The following ARHGAP26 variants were observed in gnomAD, a reference collection of about 807,000 sequenced individuals.
ARHGAP26 encodes Rho GTPase activating protein 26, also known as rho GTPase-activating protein 26.
ARHGAP26 carries 38 observed loss-of-function variants against 104.8 expected under a neutral mutation model. The ratio of observed to expected loss-of-function variants is 0.36; its 90% CI spans 0.28 to 0.48. The LOEUF (loss-of-function observed/expected upper bound fraction) is 0.48. Among genes scored for constraint, ARHGAP26 ranks in the 20% least tolerant of loss-of-function variants. The probability of loss-of-function intolerance (pLI) is 0.99; values close to 1 mark genes in which losing one functional copy is unlikely to be tolerated. For missense variants in ARHGAP26, 704 were observed against 947.9 expected (o/e 0.74, Z 3.38); for synonymous variants, 341 against 340.0 (o/e 1.00, Z -0.03).
intron 1 of ARHGAP26, among the ~76,000 whole-genome samples, chr5:142,808,357 G>A (rs969856950): frequency 6.6e-6 from 1 of 150,836 alleles, no homozygotes; most frequent in African/African-American, 2.4e-5. Context: ...AGTTTGAGGT[G>A]GGGAAATCCC....
At chr5:142,964,164 A>G (rs1770867891) in intron 11 of ARHGAP26, among the ~76,000 whole-genome samples, 1 of 152,226 alleles carries the variant, frequency 6.6e-6, no homozygotes, top group Non-Finnish European at 1.5e-5. Context: ...ATATTAAAAT[A>G]TAGCCTTTTA....
chr5:142,922,355 G>T (rs1168254674), intron 10 of ARHGAP26, among the ~76,000 whole-genome samples: 1 of 151,990 alleles, frequency 6.6e-6, no homozygotes, highest in Non-Finnish European at 1.5e-5. Context: ...GTATGTATTA[G>T]TAACTATTAG....
chr5:142,890,148 AAAAATATATATATATATATATATATATAT>A (rs1349365301), intron 5 of ARHGAP26, among the ~76,000 whole-genome samples: 1 of 83,274 alleles, frequency 1.2e-5, no homozygotes, highest in South Asian at 4.2e-4. Flanking sequence ...AAAAAAAAAA[AAAAATATATATATATATATATATATATAT>A]ATATATATAT....
intron 11 of ARHGAP26, among the ~76,000 whole-genome samples, chr5:142,961,031 A>G (rs1397061905): frequency 1.3e-5 from 2 of 151,948 alleles, no homozygotes; most frequent in East Asian, 3.9e-4. Context: ...CTATCAAATC[A>G]CCTGCTTATC....
chr5:143,123,428 G>T (rs1796365864), intron 18 of ARHGAP26, among the ~76,000 whole-genome samples: 1 of 152,220 alleles, frequency 6.6e-6, no homozygotes, highest in Admixed American at 6.5e-5. Flanking sequence ...CCGTGGCTGT[G>T]CTCTGGCCTC....
At position 143,083,563 on chromosome 5, in the gene ARHGAP26, A is replaced by G. The variant is rs1046780774; in HGVS notation, c.1538+25816A>G. 4.6e-5 allele frequency among the ~76,000 whole-genome samples: 7 copies of G among 152,168 alleles called. No homozygotes were observed. In the East Asian group the frequency reaches 1.3e-3, roughly 29 times the overall value. The stretch of plus-strand genomic sequence containing the variant: ...GCCCAGGCTGAAGTGCAGGGACACA[A>G]TCTTGGCTCAATGCAATCTCCGCCT... On this transcript the variant is annotated intron_variant, in intron 17 of 22. Coordinates refer to ENST00000645722, the MANE Select transcript of ARHGAP26 (RefSeq NM_001135608.3).
At chr5:142,987,004 A>G (rs1168895613) in intron 11 of ARHGAP26, among the ~76,000 whole-genome samples, 1 of 152,140 alleles carries the variant, frequency 6.6e-6, no homozygotes, top group African/African-American at 2.4e-5. Context: ...TTGGTTCCAT[A>G]TGAACTTTAG....
At chr5:143,140,228 C>T (rs953286014) in intron 19 of ARHGAP26, among the ~76,000 whole-genome samples, 1 of 152,168 alleles carries the variant, frequency 6.6e-6, no homozygotes, top group Non-Finnish European at 1.5e-5. Flanking sequence ...TGGGGACAGT[C>T]AGGGTGGCTT....
At chr5:142,865,485 T>G (rs953874271) in intron 1 of ARHGAP26, among the ~76,000 whole-genome samples, 1 of 149,638 alleles carries the variant, frequency 6.7e-6, no homozygotes, top group Non-Finnish European at 1.5e-5. Flanking sequence ...GAAGTTTTTT[T>G]TTTTTTTTTT....
intron 9 of ARHGAP26, among the ~76,000 whole-genome samples, chr5:142,909,665 C>G (rs1410399259): frequency 6.6e-6 from 1 of 152,158 alleles, no homozygotes; most frequent in African/African-American, 2.4e-5. Context: ...AATGTCATAA[C>G]AGAGAAATTA....
chr5:142,951,011 CCCTT>C (rs1286650712), intron 11 of ARHGAP26, among the ~76,000 whole-genome samples: 5 of 6,822 alleles, frequency 7.3e-4, no homozygotes, highest in Non-Finnish European at 1.8e-3. Flanking sequence ...CTTTCCCTTT[CCCTT>C]TCCCTTTCTC....
At chr5:142,888,995 A>G (rs1308446888) in intron 5 of ARHGAP26, among the ~76,000 whole-genome samples, 1 of 152,226 alleles carries the variant, frequency 6.6e-6, no homozygotes, top group Non-Finnish European at 1.5e-5. Flanking sequence ...ATCCTGGCTT[A>G]TAATTCCATT....
intron 10 of ARHGAP26, 106 bp from the exon 11 acceptor site, chr5:142,931,941 A>C (rs1598292922): frequency 1.9e-6 from 2 of 1,056,642 alleles, no homozygotes; most frequent in East Asian, 2.4e-5. Flanking sequence ...TGTGTTGTTA[A>C]CCTTAGCAGC....
chr5:142,791,125 C>G (rs1047567826), intron 1 of ARHGAP26, among the ~76,000 whole-genome samples: 1 of 149,112 alleles, frequency 6.7e-6, no homozygotes, highest in African/African-American at 2.5e-5. Context: ...TGTTGCCAGG[C>G]TGGAGTGTAG....
chr5:142,998,922 G>T (rs1234782314), intron 11 of ARHGAP26, among the ~76,000 whole-genome samples: 1 of 152,052 alleles, frequency 6.6e-6, no homozygotes, highest in African/African-American at 2.4e-5. Context: ...CTTATTCCTA[G>T]TCAACTGTCA....
intron 17 of ARHGAP26, among the ~76,000 whole-genome samples, chr5:143,095,959 G>A (rs1268988648): frequency 6.6e-6 from 1 of 152,182 alleles, no homozygotes; most frequent in Non-Finnish European, 1.5e-5. Flanking sequence ...AATATTTTTA[G>A]TAGCCTTTTC....
chr5:142,856,175 A>G (rs1752325924), intron 1 of ARHGAP26, among the ~76,000 whole-genome samples: 1 of 152,206 alleles, frequency 6.6e-6, no homozygotes, highest in African/African-American at 2.4e-5. Flanking sequence ...ATACTGAGCA[A>G]GTGTGAAAAG....
intron 20 of ARHGAP26, chr5:143,203,634 G>T (rs1042256880): frequency 1.3e-5 from 2 of 152,192 alleles, no homozygotes; most frequent in South Asian, 2.1e-4. Context: ...TATGTTTATT[G>T]CAGCACTGTT....
At chr5:142,940,584 G>T (rs946210721) in intron 11 of ARHGAP26, among the ~76,000 whole-genome samples, 6 of 152,152 alleles carry the variant, frequency 3.9e-5, no homozygotes, top group African/African-American at 1.4e-4. Flanking sequence ...GTTTGCTAAG[G>T]ATAATGACCT....
Sources: allele counts gnomAD v4.1 joint callset (sites outside exome capture counted in the v4.1 genomes callset), GRCh38; gene constraint gnomAD v4.1.1; transcripts MANE v1.5; gene names NCBI Gene and HGNC (gene_info 2026-07-23, HGNC 2026-07-21).